The following MYO18A variants were observed in gnomAD, a reference collection of about 807,000 sequenced individuals.
MYO18A encodes the protein unconventional myosin-XVIIIa.
In MYO18A, 78 loss-of-function variants were observed where a neutral mutation model predicts 235.8. That is an observed-to-expected ratio of 0.33 (90% confidence interval 0.28 to 0.40). The LOEUF (loss-of-function observed/expected upper bound fraction) is 0.40, where lower values mean the gene tolerates loss of function less well. Among genes scored for constraint, MYO18A ranks in the 10% least tolerant of loss-of-function variants. MYO18A has a pLI of 1.00. For synonymous variants in MYO18A, 977 were observed against 1,077.8 expected, an observed-to-expected ratio of 0.91 and a Z score of 1.83; for missense variants, 2,215 against 2,699.3, an observed-to-expected ratio of 0.82 and a Z score of 3.98.
intron 15 of MYO18A, among the ~76,000 whole-genome samples, chr17:29,112,158 C>T (rs568715012): frequency 9.8e-5 from 15 of 152,330 alleles, no homozygotes; most frequent in African/African-American, 3.6e-4. Flanking sequence ...GCCCGCGCCC[C>T]GAGGCCCTCC....
At chr17:29,095,416 G>A (rs1442227495) in intron 28 of MYO18A, among the ~76,000 whole-genome samples, 1 of 152,208 alleles carries the variant, frequency 6.6e-6, no homozygotes, top group Non-Finnish European at 1.5e-5. Flanking sequence ...GTGGGAAAAG[G>A]ATAGAGATGA....
chr17:29,111,298 C>T lies in MYO18A; in HGVS notation c.2900+126G>A, dbSNP rs1598321008. On this transcript the variant is annotated intron_variant, in intron 17 of 41. Coordinates refer to ENST00000527372, the MANE Select transcript of MYO18A (RefSeq NM_078471.4). The surrounding 1 kb of genome is among the most constrained non-coding windows in gnomAD (Gnocchi z 5.1). The stretch of plus-strand genomic sequence containing the variant: ...AAGGCCAAGTGCCCTGGGCTGTTGC[C>T]TCTCAGGAATAAAGGCCATCTACTT... 4.2e-5 allele frequency: 48 copies of T among 1,146,958 alleles called. No individual in the cohort carries two copies. Among genetic ancestry groups the T allele is most frequent in the South Asian group, 3.4e-4 (22 of 65,422 alleles). 71.0% of individuals were successfully genotyped at this position (1,146,958 alleles called of 1,614,324 possible).
At position 29,115,811 on chromosome 17, in the gene MYO18A, A is replaced by G. The variant is rs556671221; in HGVS notation, c.2080T>C (p.Trp694Arg). 7 of 1,589,172 alleles carry G rather than the reference A, an allele frequency of 4.4e-6. No homozygotes were observed. The African/African-American group carries it at 8.1e-5, about 18-fold the overall frequency. Residue 694 changes from tryptophan to arginine, a missense_variant, in exon 12 of 42, where the codon TGG becomes CGG. Trp to Arg is a moderately radical substitution (Grantham distance 101). Transcript: ENST00000527372. ...AGTAGGTACGCAGCCTTCTGGGCCC[A>G]CTCATGGCGGGCAAACTGCTTGCGC... is the stretch of plus-strand genomic sequence containing the variant. The part of the protein sequence containing the change: ...AGRKQFARHE[W>R]AQKAAYLLGC...
At chr17:29,153,441 C>G (rs1646104383) in intron 2 of MYO18A, among the ~76,000 whole-genome samples, 1 of 152,214 alleles carries the variant, frequency 6.6e-6, no homozygotes, top group Non-Finnish European at 1.5e-5. Flanking sequence ...CCACACTGGA[C>G]TAAAACTACT....
intron 2 of MYO18A, among the ~76,000 whole-genome samples, chr17:29,122,953 T>C (rs2152863850): frequency 1.3e-5 from 2 of 152,278 alleles, no homozygotes; most frequent in South Asian, 4.1e-4. Flanking sequence ...GACACGCTAA[T>C]GCCATACAAA....
At position 29,090,635 on chromosome 17, in the gene MYO18A, A is replaced by T; in HGVS notation, c.5305-20T>A. The T allele has an allele frequency of 1.3e-6, 2 of 1,592,616 alleles. No individual in the cohort carries two copies. Among genetic ancestry groups the T allele is most frequent in the Non-Finnish European group, 1.7e-6 (2 of 1,168,550 alleles). On this transcript the variant is annotated intron_variant, in intron 35 of 41. Coordinates refer to ENST00000527372, the MANE Select transcript of MYO18A (RefSeq NM_078471.4). ...GGAAGCCTGGGAAAGGAATGAGAGC[A>T]TCAGAAGCAGGATCCCCCATAAGCA...
At chr17:29,090,445 C>T (rs1030628544) in intron 36 of MYO18A, 87 bp downstream of exon 36, 21 of 1,198,814 alleles carry the variant, frequency 1.8e-5, no homozygotes, top group South Asian at 6.7e-5. Context: ...CAGAGAAAAG[C>T]GCCTTCTAAA....
rs1046179825 is a variant in MYO18A, at chr17:29,097,339, G to A, written c.4114C>T (p.Arg1372Trp). ...CGCACAGCCCGCTCATACTTCAGCC[G>A]CCACTCGCCACCTGTGGGGTTGAGG... ...VDDDDAGGEW[R>W]LKYERAVREV... is the part of the protein sequence containing the mutation. The change falls in exon 27 of 42, where the codon CGG becomes TGG. Residue 1372 changes from arginine to tryptophan, a missense_variant. Coordinates refer to ENST00000527372, the MANE Select transcript of MYO18A (RefSeq NM_078471.4). 3.4e-5 allele frequency: 55 copies of A among 1,608,550 alleles called. No homozygotes were observed. Among genetic ancestry groups the A allele is most frequent in the Non-Finnish European group, 4.2e-5 (49 of 1,179,798 alleles).
At chr17:29,143,411 T>G (rs2067784467) in intron 2 of MYO18A, among the ~76,000 whole-genome samples, 1 of 150,090 alleles carries the variant, frequency 6.7e-6, no homozygotes, top group Admixed American at 6.6e-5. Context: ...GGTTTTTTTT[T>G]TTTTTTTTTT....
At position 29,117,591 on chromosome 17, in the gene MYO18A, GC is replaced by G. The variant is rs747364797; in HGVS notation, c.2038+453del. Among the ~76,000 whole-genome samples the G allele has an allele frequency of 1.1e-4, 16 of 152,166 alleles. No individual in the cohort carries two copies. Among genetic ancestry groups the G allele is most frequent in the Non-Finnish European group, 2.2e-4 (15 of 68,018 alleles). ...GCTTCTCCCCAGACCAGTCCTCTCT[GC>G]AGCAACAGAACAAGCCCAGCCCCTA... On this transcript the variant is annotated intron_variant, in intron 10 of 41. Transcript: ENST00000527372. The surrounding 1 kb of genome is among the most constrained non-coding windows in gnomAD (Gnocchi z 4.6).
At chr17:29,101,986 T>G (rs1408996190) in intron 21 of MYO18A, among the ~76,000 whole-genome samples, 4 of 152,294 alleles carry the variant, frequency 2.6e-5, no homozygotes, top group Non-Finnish European at 2.9e-5. Context: ...ATGGCTCAGA[T>G]GAAGACCCCC....
chr17:29,116,477 T>G (rs756184615), intron 10 of MYO18A, 22 bp from the exon 11 acceptor site: 1 of 1,613,764 alleles, frequency 6.2e-7, no homozygotes, highest in African/African-American at 1.3e-5. Flanking sequence ...AGGACCAGCA[T>G]GCAGCATGCA....
intron 2 of MYO18A, among the ~76,000 whole-genome samples, chr17:29,144,842 C>T (rs990669730): frequency 3.3e-5 from 5 of 152,048 alleles, no homozygotes; most frequent in Non-Finnish European, 5.9e-5. Context: ...AAAGTCAGCA[C>T]GTAAGGCAAA....
In MYO18A at chr17:29,110,730, G is replaced by A. The variant is rs943513710; in HGVS notation, c.2901-108C>T. On this transcript the variant is annotated intron_variant, in intron 17 of 41. Coordinates refer to ENST00000527372, the MANE Select transcript of MYO18A (RefSeq NM_078471.4). ...ACACTAAACAGTCCCATTCAGCCAC[G>A]TCCAGGGGCCTGGCTACCTGAACTG... is the stretch of plus-strand genomic sequence containing the variant. 16 of 1,146,974 alleles carry A rather than the reference G, an allele frequency of 1.4e-5. No individual in the cohort carries two copies. The Middle Eastern group carries it at 7.0e-4, about 50-fold the overall frequency. 71.0% of individuals were successfully genotyped at this position (1,146,974 alleles called of 1,614,324 possible). A position where few individuals can be genotyped will look rare whatever the true frequency, so the allele number is the denominator to read the frequency against.
In MYO18A at chr17:29,158,108, C is replaced by T. The variant is rs979839842; in HGVS notation, c.999+7834G>A. 2.6e-5 allele frequency among the ~76,000 whole-genome samples: 4 copies of T among 152,118 alleles called. No homozygotes were observed. The highest frequency in any genetic ancestry group is 5.9e-5 in the Non-Finnish European group (4 of 68,022). ...TGTGCCCTGCCTTGGCTGAGTCTTACCCAGATCAATTAAACACCACCTAGG... is the reference window on the plus strand; with the variant it reads ...TGTGCCCTGCCTTGGCTGAGTCTTATCCAGATCAATTAAACACCACCTAGG... On this transcript the variant is annotated intron_variant, in intron 2 of 41. Transcript: ENST00000527372. This position sits in a 1 kb window ranked among gnomAD's most constrained non-coding sequence, Gnocchi z 4.3.
intron 1 of MYO18A, among the ~76,000 whole-genome samples, chr17:29,175,674 ATT>A (rs1408548218): frequency 1.3e-5 from 2 of 151,934 alleles, no homozygotes; most frequent in African/African-American, 4.8e-5. Flanking sequence ...TACTACAGAA[ATT>A]TTTTAAATAT....
intron 34 of MYO18A, chr17:29,091,717 G>T (rs998024292): frequency 3.7e-5 from 17 of 453,876 alleles, no homozygotes; most frequent in Admixed American, 7.1e-5. Context: ...ACTAGCTCAG[G>T]GGCCATGAAG....
chr17:29,098,611 T>C (rs2066579708), intron 23 of MYO18A, among the ~76,000 whole-genome samples, 166 bp from the exon 24 acceptor site: 1 of 152,176 alleles, frequency 6.6e-6, no homozygotes, highest in South Asian at 2.1e-4. Context: ...ATCCTGTCCC[T>C]AGACGCTTCC....
At chr17:29,092,785 G>A (rs955101887) in intron 33 of MYO18A, 70 bp downstream of exon 33, 11 of 1,568,412 alleles carry the variant, frequency 7.0e-6, no homozygotes, top group Admixed American at 1.7e-5. Context: ...TGAGAGGAGC[G>A]AGAGAGAGAA....
Sources: gnomAD v4.1 joint callset for allele counts (sites outside exome capture counted in the v4.1 genomes callset) on GRCh38, gnomAD v4.1.1 for gene constraint, Gnocchi (gnomAD v3.1) non-coding constraint, MANE v1.5 for transcripts, NCBI Gene and HGNC (gene_info 2026-07-23, HGNC 2026-07-21) for gene names.